TRPM3: variants seen among roughly 807,000 people sequenced by gnomAD.
The protein encoded by TRPM3 is transient receptor potential cation channel subfamily M member 3.
Under a neutral mutation model 181.2 loss-of-function variants are expected in TRPM3, and 77 were observed. The ratio of observed to expected loss-of-function variants is 0.42; its 90% CI spans 0.35 to 0.51. TRPM3 has a LOEUF of 0.51. Ranked by LOEUF, TRPM3 falls within the 20% of genes least tolerant of loss-of-function variation. TRPM3 has a pLI of 0.01. For missense variants in TRPM3, 1,759 were observed against 2,196.7 expected, an observed-to-expected ratio of 0.80 and a Z score of 3.98; for synonymous variants, 745 against 796.4, an observed-to-expected ratio of 0.94 and a Z score of 1.09.
At chr9:71,077,526 C>T (rs2063637034) in intron 1 of TRPM3, among the ~76,000 whole-genome samples, 1 of 152,172 alleles carries the variant, frequency 6.6e-6, no homozygotes, top group Non-Finnish European at 1.5e-5. Flanking sequence ...GGGTGTATCA[C>T]TTTGTTCTGA....
chr9:71,177,832 T>C (rs2077188288), intron 1 of TRPM3, among the ~76,000 whole-genome samples: 1 of 151,896 alleles, frequency 6.6e-6, no homozygotes. Flanking sequence ...TATCTTACAT[T>C]GACTTTCATG....
intron 1 of TRPM3, among the ~76,000 whole-genome samples, chr9:71,237,072 A>AAG (rs2081398760): frequency 6.8e-6 from 1 of 147,026 alleles, no homozygotes; most frequent in East Asian, 1.9e-4. Flanking sequence ...GGGGGGGGAA[A>AAG]AAAAGAAAGG....
At chr9:71,311,468 G>GTC (rs896263640) in intron 1 of TRPM3, among the ~76,000 whole-genome samples, 2 of 152,120 alleles carry the variant, frequency 1.3e-5, no homozygotes, top group Admixed American at 1.3e-4. Context: ...CATCAATATA[G>GTC]TCAGCTGATC....
At chr9:70,571,964 TG>T (rs2052519858) in intron 22 of TRPM3, among the ~76,000 whole-genome samples, 1 of 144,614 alleles carries the variant, frequency 6.9e-6, no homozygotes, top group African/African-American at 2.5e-5. Context: ...TTTTTCTCCA[TG>T]TCCATCTTGA....
intron 1 of TRPM3, among the ~76,000 whole-genome samples, chr9:71,352,929 C>T (rs1274111079): frequency 6.6e-6 from 1 of 152,046 alleles, no homozygotes; most frequent in Admixed American, 6.5e-5. Context: ...CACCTGCCTC[C>T]ACACAGGTCT....
intron 1 of TRPM3, among the ~76,000 whole-genome samples, chr9:71,445,315 T>C (rs1204679978): frequency 6.6e-6 from 1 of 152,214 alleles, no homozygotes; most frequent in Non-Finnish European, 1.5e-5. Context: ...ATGAATTTTA[T>C]ATTTTCCACA....
At chr9:70,576,320 A>G (rs953413011) in intron 22 of TRPM3, among the ~76,000 whole-genome samples, 2 of 152,080 alleles carry the variant, frequency 1.3e-5, no homozygotes, top group African/African-American at 2.4e-5. Context: ...CTGACCATCA[A>G]CCTTTGGCAG....
intron 1 of TRPM3, among the ~76,000 whole-genome samples, chr9:71,065,832 TAGG>T (rs1032901479): frequency 1.3e-5 from 2 of 152,124 alleles, no homozygotes; most frequent in African/African-American, 4.8e-5. Flanking sequence ...AAGTCCACAG[TAGG>T]AGAGCAGCAA....
At chr9:71,445,230 T>C (rs1263730229) in intron 1 of TRPM3, among the ~76,000 whole-genome samples, 1 of 152,234 alleles carries the variant, frequency 6.6e-6, no homozygotes, top group Non-Finnish European at 1.5e-5. Context: ...AGAAGTTCCT[T>C]AGATTAACAC....
At chr9:70,993,349 T>C (rs1007758858) in intron 1 of TRPM3, among the ~76,000 whole-genome samples, 7 of 152,162 alleles carry the variant, frequency 4.6e-5, no homozygotes, top group African/African-American at 1.7e-4. Context: ...AGTAGCCGTG[T>C]ATAGAATCGA....
intron 1 of TRPM3, among the ~76,000 whole-genome samples, chr9:71,250,730 G>C (rs576741029): frequency 1.3e-5 from 2 of 152,142 alleles, no homozygotes; most frequent in African/African-American, 2.4e-5. Flanking sequence ...AGAAGGGCAG[G>C]GGGCAGGAGC....
chr9:70,959,413 T>A (rs1337903689), intron 1 of TRPM3, among the ~76,000 whole-genome samples: 1 of 151,356 alleles, frequency 6.6e-6, no homozygotes, highest in Admixed American at 6.6e-5. Flanking sequence ...AAGGGCAAGA[T>A]GTTTTTGAAT....
chr9:71,210,460 A>G (rs1332517054), intron 1 of TRPM3, among the ~76,000 whole-genome samples: 55 of 152,138 alleles, frequency 3.6e-4, no homozygotes, highest in Admixed American at 3.5e-3. Flanking sequence ...TGGGAAAACT[A>G]TCTTTCACAA....
chr9:70,787,496 T>TATTGTAAGTTAACCAAGATATGTTAACA (rs2083952617), intron 6 of TRPM3, among the ~76,000 whole-genome samples: 1 of 152,170 alleles, frequency 6.6e-6, no homozygotes, highest in African/African-American at 2.4e-5. Context: ...CTATCATGCT[T>TATTGTAAGTTAACCAAGATATGTTAACA]ATTGTAAGTT....
chr9:70,660,141 G>A (rs192560338), intron 9 of TRPM3, among the ~76,000 whole-genome samples: 12 of 152,198 alleles, frequency 7.9e-5, no homozygotes, highest in African/African-American at 2.6e-4. Context: ...CTTCTAAAAT[G>A]CTTTCTCCAA....
intron 1 of TRPM3, among the ~76,000 whole-genome samples, chr9:71,057,999 G>T (rs1298049462): frequency 1.3e-5 from 2 of 152,000 alleles, no homozygotes; most frequent in South Asian, 2.1e-4. Flanking sequence ...GAGTTAAAAA[G>T]GTCATCCATG....
intron 1 of TRPM3, among the ~76,000 whole-genome samples, chr9:71,418,762 T>C (rs1056916415): frequency 3.4e-5 from 5 of 147,486 alleles, no homozygotes; most frequent in Non-Finnish European, 6.0e-5. Flanking sequence ...TGAGATACTA[T>C]ATATATACTA....
At chr9:71,032,701 C>A (rs183454107) in intron 1 of TRPM3, among the ~76,000 whole-genome samples, 6 of 152,096 alleles carry the variant, frequency 3.9e-5, no homozygotes, top group African/African-American at 1.4e-4. Context: ...TAGAGGTAGA[C>A]AATTTCTAGT....
chr9:70,896,232 G>C (rs968772325), intron 1 of TRPM3, among the ~76,000 whole-genome samples: 1 of 152,170 alleles, frequency 6.6e-6, no homozygotes, highest in Admixed American at 6.5e-5. Context: ...CACAGTGGCA[G>C]AACAGCTCAA....
Sources: gnomAD v4.1 joint callset for allele counts (sites outside exome capture counted in the v4.1 genomes callset) on GRCh38, gnomAD v4.1.1 for gene constraint, MANE v1.5 for transcripts, NCBI Gene and HGNC (gene_info 2026-07-23, HGNC 2026-07-21) for gene names.